The following NTNG1 variants were observed in gnomAD, a reference collection of about 807,000 sequenced individuals.
The protein encoded by NTNG1 is netrin-G1.
Under a neutral mutation model 54.0 loss-of-function variants are expected in NTNG1, and 16 were observed. That is an observed-to-expected ratio of 0.30 (90% CI 0.20 to 0.45). The LOEUF (loss-of-function observed/expected upper bound fraction) is 0.45. NTNG1 is among the 20% of genes least tolerant of loss of function. NTNG1 has a pLI of 1.00. For synonymous variants in NTNG1, 255 were observed against 263.1 expected, an observed-to-expected ratio of 0.97 and a Z score of 0.30; for missense variants, 530 against 678.7, an observed-to-expected ratio of 0.78 and a Z score of 2.43.
chr1:107,152,996 AT>A (rs1654699947), intron 2 of NTNG1, among the ~76,000 whole-genome samples: 1 of 152,220 alleles, frequency 6.6e-6, no homozygotes, highest in Non-Finnish European at 1.5e-5. Context: ...CTCGATAGGC[AT>A]TTATTCAAGT....
At chr1:107,245,457 A>G (rs1662133508) in intron 2 of NTNG1, among the ~76,000 whole-genome samples, 1 of 152,188 alleles carries the variant, frequency 6.6e-6, no homozygotes, top group Non-Finnish European at 1.5e-5. Flanking sequence ...TTATAAGAAA[A>G]AAGAATCTCT....
intron 3 of NTNG1, among the ~76,000 whole-genome samples, chr1:107,358,439 G>T (rs558770247): frequency 2.6e-5 from 4 of 151,900 alleles, no homozygotes; most frequent in Non-Finnish European, 4.4e-5. Context: ...GTCACGAGTG[G>T]GGGTTTCCTG....
intron 5 of NTNG1, among the ~76,000 whole-genome samples, chr1:107,430,055 A>G (rs567862617): frequency 6.6e-6 from 1 of 152,300 alleles, no homozygotes; most frequent in South Asian, 2.1e-4. Flanking sequence ...ACTTAAGAGA[A>G]AAGGAGGGAA....
At chr1:107,308,711 G>T (rs74871479) in intron 2 of NTNG1, among the ~76,000 whole-genome samples, 5,982 of 152,186 alleles carry the variant, frequency 0.039, 139 homozygotes, top group Non-Finnish European at 0.046. Flanking sequence ...TAGTTTGATA[G>T]AAATAGCACT....
At position 107,150,579 on chromosome 1, in the gene NTNG1, C is replaced by G. The variant is rs141913120; in HGVS notation, c.246+1740C>G. Among the ~76,000 whole-genome samples the G allele has an allele frequency of 4.8e-3, 736 of 152,320 alleles. 3 individuals carry two copies. Among genetic ancestry groups the G allele is most frequent in the Non-Finnish European group, 7.2e-3 (493 of 68,020 alleles). Reference sequence around the variant, plus strand: ...TGGAATTGTTTAATAATTTACAGATCTAAGTAAAATAGCAAATTTCCTTTC... The same window carrying G: ...TGGAATTGTTTAATAATTTACAGATGTAAGTAAAATAGCAAATTTCCTTTC... On this transcript the variant is annotated intron_variant, in intron 2 of 7. Transcript: ENST00000370068.
intron 3 of NTNG1, among the ~76,000 whole-genome samples, chr1:107,372,938 A>C (rs1671013516): frequency 6.6e-6 from 1 of 152,160 alleles, no homozygotes; most frequent in African/African-American, 2.4e-5. Flanking sequence ...TTAGTCTGAT[A>C]TTGATATATC....
chr1:107,420,396 G>A (rs1159030376), intron 5 of NTNG1, among the ~76,000 whole-genome samples: 2 of 152,018 alleles, frequency 1.3e-5, no homozygotes, highest in Non-Finnish European at 2.9e-5. Flanking sequence ...TATCTTGTCA[G>A]CATCTGCAAA....
chr1:107,316,530 C>T (rs1667348100), intron 2 of NTNG1, among the ~76,000 whole-genome samples: 1 of 152,152 alleles, frequency 6.6e-6, no homozygotes, highest in Non-Finnish European at 1.5e-5. Flanking sequence ...AAATCTGCCC[C>T]ATGCATGAAA....
chr1:107,267,535 C>G (rs1663831686), intron 2 of NTNG1, among the ~76,000 whole-genome samples: 1 of 152,168 alleles, frequency 6.6e-6, no homozygotes, highest in Admixed American at 6.5e-5. Flanking sequence ...CTACCAACGT[C>G]TATCAATTCT....
chr1:107,155,978 GGA>G lies in NTNG1; in HGVS notation c.246+7141_246+7142del, dbSNP rs796205392. 1.1e-3 allele frequency among the ~76,000 whole-genome samples: 171 copies of G among 152,268 alleles called. 1 individual carries two copies. The highest frequency in any genetic ancestry group is 4.0e-3 in the African/African-American group (167 of 41,550). On this transcript the variant is annotated intron_variant, in intron 2 of 7. Coordinates refer to ENST00000370068, the MANE Select transcript of NTNG1 (RefSeq NM_001113226.3). ...ACATGCTATACAGGCTTGTAGCCTA[GGA>G]GCAATAGACTATACCATACAGCCTA... is the stretch of plus-strand genomic sequence containing the variant.
At chr1:107,243,446 C>T (rs1479398060) in intron 2 of NTNG1, among the ~76,000 whole-genome samples, 1 of 152,198 alleles carries the variant, frequency 6.6e-6, no homozygotes, top group African/African-American at 2.4e-5. Flanking sequence ...AGAAAAGTCC[C>T]ACCACTGTTA....
intron 2 of NTNG1, among the ~76,000 whole-genome samples, chr1:107,149,764 GT>G (rs932479875): frequency 5.4e-5 from 8 of 148,754 alleles, no homozygotes; most frequent in African/African-American, 9.9e-5. Context: ...AGTTCATTTG[GT>G]TTTTTTTTTA....
At chr1:107,192,703 C>A (rs1417199155) in intron 2 of NTNG1, among the ~76,000 whole-genome samples, 1 of 152,000 alleles carries the variant, frequency 6.6e-6, no homozygotes, top group Non-Finnish European at 1.5e-5. Context: ...GATACAAATG[C>A]CATTCCTGGG....
At chr1:107,432,023 A>G (rs572010031) in intron 6 of NTNG1, among the ~76,000 whole-genome samples, 7 of 152,314 alleles carry the variant, frequency 4.6e-5, no homozygotes, top group African/African-American at 1.7e-4. Flanking sequence ...GGCCAAGTAT[A>G]TATAATACTG....
rs1040810796 is a variant in NTNG1, at chr1:107,483,902, T to C, written c.*3062T>C. ...CCTGCTGTGATTTGAGGGTTATTTATTTCTGACCCTGTACACAGCCTAGGG... is the reference window on the plus strand; with the variant it reads ...CCTGCTGTGATTTGAGGGTTATTTACTTCTGACCCTGTACACAGCCTAGGG... On this transcript the variant is annotated 3_prime_UTR_variant, in exon 8 of 8. Transcript: ENST00000370068. 7.2e-5 allele frequency among the ~76,000 whole-genome samples: 11 copies of C among 152,316 alleles called. 1 individual carries two copies. Among genetic ancestry groups the C allele is most frequent in the African/African-American group, 2.6e-4 (11 of 41,568 alleles).
At chr1:107,248,835 G>A (rs1662372002) in intron 2 of NTNG1, among the ~76,000 whole-genome samples, 1 of 151,882 alleles carries the variant, frequency 6.6e-6, no homozygotes, top group Non-Finnish European at 1.5e-5. Flanking sequence ...TTCATCAGAG[G>A]TTTATTATTA....
chr1:107,298,378 C>A (rs183136887), intron 2 of NTNG1, among the ~76,000 whole-genome samples: 1 of 152,030 alleles, frequency 6.6e-6, no homozygotes, highest in Non-Finnish European at 1.5e-5. Flanking sequence ...TATCATAGAC[C>A]TTAAGACAAC....
At chr1:107,232,409 A>C (rs926868139) in intron 2 of NTNG1, among the ~76,000 whole-genome samples, 1 of 152,158 alleles carries the variant, frequency 6.6e-6, no homozygotes, top group Non-Finnish European at 1.5e-5. Flanking sequence ...TGTGCCTTCC[A>C]TGGTTTCTCC....
At chr1:107,314,323 C>T (rs756212758) in intron 2 of NTNG1, among the ~76,000 whole-genome samples, 3 of 152,176 alleles carry the variant, frequency 2.0e-5, no homozygotes, top group South Asian at 2.1e-4. Context: ...CGCTTGAACC[C>T]GGGAGGCAGA....
Sources: gnomAD v4.1 joint callset for allele counts (sites outside exome capture counted in the v4.1 genomes callset) on GRCh38, gnomAD v4.1.1 for gene constraint, MANE v1.5 for transcripts, NCBI Gene and HGNC (gene_info 2026-07-23, HGNC 2026-07-21) for gene names.